LARP1B: variants seen among roughly 807,000 people sequenced by gnomAD.
LARP1B encodes the protein la-related protein 1B.
In LARP1B, 76 loss-of-function variants were observed where a neutral mutation model predicts 114.2. The ratio of observed to expected loss-of-function variants is 0.67; its 90% CI spans 0.55 to 0.81. The LOEUF is 0.81. Ranked by LOEUF, LARP1B falls within the 30% of genes least tolerant of loss-of-function variation. The probability of loss-of-function intolerance (pLI) is 0.00; values close to 1 mark genes in which losing one functional copy is unlikely to be tolerated. For synonymous variants in LARP1B, 345 were observed against 348.0 expected (o/e 0.99, Z 0.10); for missense variants, 1,014 against 1,075.8 (o/e 0.94, Z 0.80).
At chr4:128,185,473 T>C (rs1333395466) in intron 15 of LARP1B, among the ~76,000 whole-genome samples, 2 of 152,150 alleles carry the variant, frequency 1.3e-5, no homozygotes, top group Non-Finnish European at 2.9e-5. Flanking sequence ...CCAGTTGATG[T>C]CTTCTTTGGA....
At position 128,132,758 on chromosome 4, in the gene LARP1B, G is replaced by C. The variant is rs1050157016; in HGVS notation, c.1524+10570G>C. ...TGGAAGACAGTTTTTCTGTGGACTG[G>C]GGGGCATGGTTTTGGAATAATTTAA... On this transcript the variant is annotated intron_variant, in intron 11 of 19. Transcript: ENST00000326639. 2.6e-5 allele frequency among the ~76,000 whole-genome samples: 4 copies of C among 151,898 alleles called. No individual in the cohort carries two copies. In the East Asian group the frequency reaches 7.7e-4, roughly 29 times the overall value.
intron 15 of LARP1B, among the ~76,000 whole-genome samples, chr4:128,194,090 G>T (rs1229503680): frequency 1.3e-5 from 2 of 151,718 alleles, no homozygotes; most frequent in African/African-American, 2.4e-5. Flanking sequence ...TTTATTTATT[G>T]AGATGCAGTT....
intron 11 of LARP1B, among the ~76,000 whole-genome samples, chr4:128,154,620 A>G (rs929054028): frequency 1.3e-5 from 2 of 152,146 alleles, no homozygotes; most frequent in African/African-American, 2.4e-5. Context: ...ATTATCTTTT[A>G]GCTAAATAAA....
At chr4:128,209,696 C>T (rs1002632115) in intron 19 of LARP1B, among the ~76,000 whole-genome samples, 160 bp from the exon 20 acceptor site, 3 of 147,374 alleles carry the variant, frequency 2.0e-5, no homozygotes, top group Admixed American at 6.8e-5. Flanking sequence ...GCACTCCAGC[C>T]TGGGTGACAG....
intron 11 of LARP1B, among the ~76,000 whole-genome samples, chr4:128,129,421 CAAT>C (rs1472699727): frequency 6.6e-6 from 1 of 151,306 alleles, no homozygotes; most frequent in Non-Finnish European, 1.5e-5. Context: ...TAGGAAGACT[CAAT>C]AATGTCATGT....
chr4:128,094,400 CTTTTTT>C (rs776529101), intron 7 of LARP1B, among the ~76,000 whole-genome samples: 2 of 128,742 alleles, frequency 1.6e-5, no homozygotes, highest in East Asian at 2.2e-4. Context: ...TTTTCTTTTT[CTTTTTT>C]TTTTTTTTTT....
chr4:128,222,285 C>A (rs1035378787), intron 7 of LARP1B: 6 of 455,510 alleles, frequency 1.3e-5, no homozygotes, highest in Non-Finnish European at 2.7e-5. Context: ...AATCTGAAAT[C>A]ACACCTTCAG....
chr4:128,134,857 C>T (rs552289981), intron 11 of LARP1B, among the ~76,000 whole-genome samples: 5 of 152,268 alleles, frequency 3.3e-5, no homozygotes, highest in African/African-American at 1.2e-4. Flanking sequence ...GTAATCCCAG[C>T]ACTTTAGGAG....
intron 4 of LARP1B, among the ~76,000 whole-genome samples, chr4:128,081,804 G>A (rs921350045): frequency 3.3e-5 from 5 of 152,182 alleles, no homozygotes; most frequent in Admixed American, 6.5e-5. Context: ...GCACGATCTC[G>A]GCTCACTGCA....
intron 12 of LARP1B, among the ~76,000 whole-genome samples, chr4:128,165,179 G>C (rs554541676): frequency 8.6e-5 from 13 of 151,852 alleles, no homozygotes; most frequent in Middle Eastern, 6.8e-3. Context: ...CCATCTGGAA[G>C]GTCTGCACAT....
chr4:128,103,052 T>C (rs1351486946), intron 8 of LARP1B, among the ~76,000 whole-genome samples: 1 of 152,202 alleles, frequency 6.6e-6, no homozygotes, highest in Admixed American at 6.6e-5. Flanking sequence ...GTAGTAGGTC[T>C]GTATCATTAA....
intron 8 of LARP1B, among the ~76,000 whole-genome samples, chr4:128,102,160 C>G (rs1435808333): frequency 1.3e-5 from 2 of 152,182 alleles, no homozygotes; most frequent in Non-Finnish European, 2.9e-5. Context: ...ACTTAACATT[C>G]ATTATGCACC....
At chr4:128,186,950 A>C (rs184838714) in intron 15 of LARP1B, among the ~76,000 whole-genome samples, 1 of 152,194 alleles carries the variant, frequency 6.6e-6, no homozygotes, top group Non-Finnish European at 1.5e-5. Context: ...GGCAGGTTCC[A>C]TGTGGTAGTA....
chr4:128,139,718 AAAG>A (rs1207019176), intron 11 of LARP1B, among the ~76,000 whole-genome samples: 5 of 152,340 alleles, frequency 3.3e-5, no homozygotes, highest in East Asian at 1.9e-4. Flanking sequence ...ACTTTTTACA[AAAG>A]AAGAAGTCTA....
chr4:128,154,162 GGCAAGGCTTT>G (rs1734282593), intron 11 of LARP1B, among the ~76,000 whole-genome samples: 18 of 152,008 alleles, frequency 1.2e-4, no homozygotes, highest in Admixed American at 6.5e-5. Flanking sequence ...CTTGATTTTA[GGCAAGGCTTT>G]GTATAAGACA....
At chr4:128,099,019 G>A (rs950931639) in intron 8 of LARP1B, among the ~76,000 whole-genome samples, 2 of 149,980 alleles carry the variant, frequency 1.3e-5, no homozygotes, top group African/African-American at 4.9e-5. Context: ...CTTGTGATCC[G>A]CCCACCTTCG....
chr4:128,115,529 C>T (rs763074899), intron 10 of LARP1B, among the ~76,000 whole-genome samples: 1 of 152,146 alleles, frequency 6.6e-6, no homozygotes, highest in Non-Finnish European at 1.5e-5. Flanking sequence ...CATGATCACA[C>T]CACTGCACTC....
chr4:128,109,816 A>G (rs1480873207), intron 9 of LARP1B, among the ~76,000 whole-genome samples: 1 of 151,874 alleles, frequency 6.6e-6, no homozygotes, highest in Non-Finnish European at 1.5e-5. Flanking sequence ...TTAATTACCC[A>G]GAACTGTGAT....
At chr4:128,182,586 T>C (rs750594044) in intron 15 of LARP1B, among the ~76,000 whole-genome samples, 33 of 152,280 alleles carry the variant, frequency 2.2e-4, no homozygotes, top group Admixed American at 7.2e-4. Flanking sequence ...TTCTTGGGCA[T>C]CCCTGTACCC....
Sources: allele counts gnomAD v4.1 joint callset (sites outside exome capture counted in the v4.1 genomes callset), GRCh38; gene constraint gnomAD v4.1.1; transcripts MANE v1.5; gene names NCBI Gene and HGNC (gene_info 2026-07-23, HGNC 2026-07-21).